The following SLC15A3 variants were observed in gnomAD, a reference collection of about 807,000 sequenced individuals.
The protein encoded by SLC15A3 is osteoclast transporter.
SLC15A3 carries 39 observed loss-of-function variants against 49.2 expected under a neutral mutation model. The ratio of observed to expected loss-of-function variants is 0.79; its 90% CI spans 0.61 to 1.04. The LOEUF (loss-of-function observed/expected upper bound fraction) is 1.04. Among genes scored for constraint, SLC15A3 ranks in the 50% least tolerant of loss-of-function variants. The pLI, the probability that SLC15A3 is intolerant of heterozygous loss-of-function variation, is 0.00. For synonymous variants in SLC15A3, 339 were observed against 367.0 expected (o/e 0.92, Z 0.87); for missense variants, 758 against 794.8 (o/e 0.95, Z 0.56).
chr11:60,939,064 G>A (rs1856671056), intron 6 of SLC15A3, among the ~76,000 whole-genome samples: 1 of 152,220 alleles, frequency 6.6e-6, no homozygotes, highest in African/African-American at 2.4e-5. Context: ...AGTACTGTGT[G>A]CTATGATAGA....
chr11:60,946,950 C>T, intron 1 of SLC15A3, 129 bp from the exon 2 acceptor site: 1 of 969,838 alleles, frequency 1.0e-6, no homozygotes, highest in Non-Finnish European at 1.5e-6. Context: ...CTTTCCCAGT[C>T]TCTGATCACA....
At chr11:60,947,668 C>T (rs1856824764) in intron 1 of SLC15A3, 1 of 152,218 alleles carries the variant, frequency 6.6e-6, no homozygotes, top group Non-Finnish European at 1.5e-5. Flanking sequence ...CTCTGATATA[C>T]AGCAGAGGTG....
chr11:60,941,026 A>C, intron 5 of SLC15A3, 96 bp downstream of exon 5: 1 of 1,400,822 alleles, frequency 7.1e-7, no homozygotes, highest in African/African-American at 1.4e-5. Context: ...GAGAGGCTGA[A>C]CTTGGTCCAG....
chr11:60,949,607 A>G (rs1252191692), intron 1 of SLC15A3, among the ~76,000 whole-genome samples: 1 of 152,240 alleles, frequency 6.6e-6, no homozygotes, highest in Non-Finnish European at 1.5e-5. Context: ...GCATGAAGTC[A>G]TCATCAAAGG....
intron 1 of SLC15A3, among the ~76,000 whole-genome samples, chr11:60,949,464 GA>G (rs1856859865): frequency 7.0e-6 from 1 of 142,852 alleles, no homozygotes. Context: ...AAGAAAGAGA[GA>G]GAGAGAAAGA....
rs1856808067 is a variant in SLC15A3 at position 60,946,694 on chromosome 11, C to A, written c.686G>T (p.Gly229Val). 1 of 1,614,086 alleles carries A rather than the reference C, an allele frequency of 6.2e-7. No homozygotes were observed. The highest frequency in any genetic ancestry group is 1.3e-5 in the African/African-American group (1 of 74,928). Residue 229 changes from glycine (G) to valine (V), a missense_variant, in exon 2 of 8, where the codon GGC becomes GTC. This residue lies in a region of SLC15A3 where 699 missense variants were observed against 706.7 expected (regional missense o/e 0.99). Coordinates refer to ENST00000227880, the MANE Select transcript of SLC15A3 (RefSeq NM_016582.3). ...CACACAGCCCACAGGGATGCTGTAG[C>A]CCAGCAGGAAGCTGATGTTCTGCTG... ...FIQQNISFLL[G>V]YSIPVGCVGL...
intron 1 of SLC15A3, 31 bp downstream of exon 1, chr11:60,950,963 A>AGTATGCC: frequency 2.1e-6 from 3 of 1,407,372 alleles, no homozygotes; most frequent in Non-Finnish European, 2.8e-6. Flanking sequence ...CACCCGCCGG[A>AGTATGCC]GTATGCCGGG....
rs565779823 is a variant in SLC15A3, at chr11:60,938,827, C to T, written c.1435+653G>A. On this transcript the variant is annotated intron_variant, in intron 6 of 7. Transcript: ENST00000227880. ...CTCTGCCCTGACTTCCACAGCACTCCACTGGCTCACTGTTTGCCTGACTCT... is the reference window on the plus strand; with the variant it reads ...CTCTGCCCTGACTTCCACAGCACTCTACTGGCTCACTGTTTGCCTGACTCT... Among the ~76,000 whole-genome samples, 6 of 152,344 alleles carry T rather than the reference C, an allele frequency of 3.9e-5. No homozygotes were observed. The South Asian group carries it at 1.2e-3, about 32-fold the overall frequency.
At chr11:60,950,257 G>A (rs567378926) in intron 1 of SLC15A3, among the ~76,000 whole-genome samples, 1 of 152,284 alleles carries the variant, frequency 6.6e-6, no homozygotes, top group East Asian at 1.9e-4. Flanking sequence ...CTCCTGCCCT[G>A]CCCGCACATC....
intron 5 of SLC15A3, chr11:60,940,373 A>G (rs510261): frequency 0.072 from 10,979 of 152,436 alleles, 811 homozygotes; most frequent in African/African-American, 0.19. Context: ...ATATAGCTGG[A>G]ATAAAATCTA....
rs754104712 is a variant in SLC15A3 at position 60,943,798 on chromosome 11, G to T, written c.887C>A (p.Ser296Tyr). ...QCARVLADER[S>Y]PQPGASPQED... is the part of the protein sequence containing the mutation. ...TTGCGGGGAAGCCCCTGGCTGGGGA[G>T]ACCTCTCGTCGGCCAGCACGCGGGC... Residue 296 changes from serine to tyrosine, a missense_variant, in exon 3 of 8, where the codon TCT (serine) becomes TAT (tyrosine). This residue lies in a region of SLC15A3 where 699 missense variants were observed against 706.7 expected (regional missense o/e 0.99). Coordinates refer to ENST00000227880, the MANE Select transcript of SLC15A3 (RefSeq NM_016582.3). The T allele has an allele frequency of 6.2e-7, 1 of 1,601,568 alleles. No individual in the cohort carries two copies. The highest frequency in any genetic ancestry group is 1.3e-5 in the African/African-American group (1 of 74,436).
intron 3 of SLC15A3, 99 bp from the exon 4 acceptor site, chr11:60,942,244 G>C: frequency 7.4e-6 from 7 of 944,988 alleles, no homozygotes; most frequent in Non-Finnish European, 1.2e-5. Context: ...GGACAGCTGG[G>C]CAGCTGTCCC....
intron 4 of SLC15A3, 118 bp from the exon 5 acceptor site, chr11:60,941,408 C>G: frequency 1.0e-6 from 1 of 1,003,846 alleles, no homozygotes; most frequent in South Asian, 1.8e-5. Flanking sequence ...TCCTTTCCCT[C>G]TCTGGAGTTC....
At chr11:60,941,410 C>G in intron 4 of SLC15A3, 120 bp from the exon 5 acceptor site, 2 of 994,062 alleles carry the variant, frequency 2.0e-6, no homozygotes, top group Non-Finnish European at 2.9e-6. Flanking sequence ...CTTTCCCTCT[C>G]TGGAGTTCAT....
chr11:60,951,668 C>T lies in SLC15A3; in HGVS notation c.-117G>A. ...TCCCCCACCCAACTGGCTGGCCCTC[C>T]TTTCTCACCGCTTTGGCCCACCCTT... On this transcript the variant is annotated 5_prime_UTR_variant, in exon 1 of 8. Transcript: ENST00000227880. The T allele has an allele frequency of 2.5e-6, 2 of 806,304 alleles. No homozygotes were observed. The highest frequency in any genetic ancestry group is 3.0e-6 in the Non-Finnish European group (2 of 656,910). 49.9% of individuals were successfully genotyped at this position (806,304 alleles called of 1,614,324 possible).
At chr11:60,941,997 G>A (rs780408894) in intron 4 of SLC15A3, 38 bp downstream of exon 4, 1 of 1,585,516 alleles carries the variant, frequency 6.3e-7, no homozygotes. Context: ...GCCGCTACCT[G>A]GCTGAACTGG....
At chr11:60,945,436 G>A (rs1486449362) in intron 2 of SLC15A3, among the ~76,000 whole-genome samples, 1 of 152,206 alleles carries the variant, frequency 6.6e-6, no homozygotes, top group South Asian at 2.1e-4. Context: ...AACTGGGAGA[G>A]GAGATAAAAA....
chr11:60,939,085 C>T (rs950260167), intron 6 of SLC15A3, among the ~76,000 whole-genome samples: 4 of 152,204 alleles, frequency 2.6e-5, no homozygotes, highest in Admixed American at 1.3e-4. Context: ...GAGATGAACA[C>T]GGGGCGGGAA....
At chr11:60,949,499 AGAAG>A (rs1565129832) in intron 1 of SLC15A3, among the ~76,000 whole-genome samples, 25 of 130,482 alleles carry the variant, frequency 1.9e-4, no homozygotes, top group Admixed American at 3.1e-4. Context: ...AAAGAAAGAA[AGAAG>A]GAAAGAAAGA....
Sources: gnomAD v4.1 joint callset for allele counts (sites outside exome capture counted in the v4.1 genomes callset) on GRCh38, gnomAD v4.1.1 for gene constraint, gnomAD v4.1.1 regional missense constraint, MANE v1.5 for transcripts, NCBI Gene and HGNC (gene_info 2026-07-23, HGNC 2026-07-21) for gene names.